SYCP2: variants seen among roughly 807,000 people sequenced by gnomAD.
SYCP2 encodes the protein synaptonemal complex lateral element protein.
SYCP2 carries 55 observed loss-of-function variants against 211.3 expected under a neutral mutation model. The observed-to-expected ratio is 0.26, with a 90% confidence interval of 0.21 to 0.33. The LOEUF (loss-of-function observed/expected upper bound fraction) is 0.33, where lower values mean the gene tolerates loss of function less well. Among genes scored for constraint, SYCP2 ranks in the 10% least tolerant of loss-of-function variants. The probability of loss-of-function intolerance (pLI) is 1.00; values close to 1 mark genes in which losing one functional copy is unlikely to be tolerated. For missense variants in SYCP2, 1,731 were observed against 1,752.0 expected (o/e 0.99, Z 0.21); for synonymous variants, 570 against 555.2 (o/e 1.03, Z -0.37).
At chr20:59,922,167 G>A (rs906415170) in intron 3 of SYCP2, among the ~76,000 whole-genome samples, 1 of 151,476 alleles carries the variant, frequency 6.6e-6, no homozygotes, top group African/African-American at 2.4e-5. Context: ...TAAAAGGTAG[G>A]TATAAAGAAT....
At position 59,893,552 on chromosome 20, in the gene SYCP2, C is replaced by T; in HGVS notation, c.1707G>A (p.Lys569=). The T allele has an allele frequency of 6.2e-7, 1 of 1,608,846 alleles. No individual in the cohort carries two copies. The highest frequency in any genetic ancestry group is 8.5e-7 in the Non-Finnish European group (1 of 1,176,898). ...TAKCVENTEN[K]NVEFPNQNFS... is the part of the protein sequence containing the mutation. ...AATTTTGGTTTGGGAATTCAACATT[C>T]TTATTTTCTGTGTTTTCTACACACT... The change falls in exon 21 of 45, where the codon AAG becomes AAA. Residue 569 remains lysine, a synonymous_variant. Transcript: ENST00000357552.
intron 14 of SYCP2, among the ~76,000 whole-genome samples, chr20:59,910,168 G>A (rs1255494843): frequency 6.6e-6 from 1 of 152,116 alleles, no homozygotes; most frequent in Admixed American, 6.5e-5. Context: ...CCACTGTGGA[G>A]AATGGCTTTT....
chr20:59,888,567 G>T (rs1423240433), intron 24 of SYCP2, among the ~76,000 whole-genome samples: 1 of 151,994 alleles, frequency 6.6e-6, no homozygotes, highest in African/African-American at 2.4e-5. Context: ...GAAACGAGAT[G>T]CTTTTCCTAC....
intron 20 of SYCP2, 46 bp from the exon 21 acceptor site, chr20:59,893,639 GA>G (rs775094315): frequency 7.0e-7 from 1 of 1,437,158 alleles, no homozygotes; most frequent in East Asian, 2.3e-5. Flanking sequence ...GATGTTATAT[GA>G]AAACCTAAAT....
In SYCP2 at chr20:59,886,723, C is replaced by T; in HGVS notation, c.2476G>A (p.Glu826Lys). The T allele has an allele frequency of 6.4e-7, 1 of 1,563,716 alleles. No individual in the cohort carries two copies. Among genetic ancestry groups the T allele is most frequent in the South Asian group, 1.2e-5 (1 of 83,344 alleles). The part of the protein sequence containing the change: ...DDIKSTRKLK[E>K]SLINSGFSNK... ...AGAACATACCTGTTAATCAAAGACT[C>T]CTTTAATTTTCTTGTAGACTTGATG... is the stretch of plus-strand genomic sequence containing the variant. The change falls in exon 25 of 45, where the codon GAG becomes AAG. Residue 826 changes from glutamate to lysine, a missense_variant. This residue lies in a region of SYCP2 where 1,387 missense variants were observed against 1,351.3 expected (regional missense o/e 1.03). Coordinates refer to ENST00000357552, the MANE Select transcript of SYCP2 (RefSeq NM_014258.4).
In SYCP2 at chr20:59,882,006, T is replaced by C; in HGVS notation, c.2601-4A>G. ...ATTAAAATTGTAAACATCATTCCTG[T>C]GAAAATGAAGAGCAATATTAGCTCC... On this transcript the variant is annotated splice_polypyrimidine_tract_variant and splice_region_variant and intron_variant, in intron 27 of 44. Coordinates refer to ENST00000357552, the MANE Select transcript of SYCP2 (RefSeq NM_014258.4). The C allele has an allele frequency of 1.2e-6, 2 of 1,612,814 alleles. No individual in the cohort carries two copies. Among genetic ancestry groups the C allele is most frequent in the South Asian group, 2.2e-5 (2 of 90,968 alleles).
intron 5 of SYCP2, among the ~76,000 whole-genome samples, chr20:59,920,002 C>T (rs945843761): frequency 2.6e-5 from 4 of 151,414 alleles, no homozygotes; most frequent in Non-Finnish European, 5.9e-5. Context: ...ATTCTAGGTG[C>T]CAATAATGTA....
At chr20:59,902,971 CTT>C (rs1265111280) in intron 15 of SYCP2, among the ~76,000 whole-genome samples, 4 of 151,952 alleles carry the variant, frequency 2.6e-5, no homozygotes, top group African/African-American at 9.7e-5. Context: ...CTCTGATATG[CTT>C]TTGACTTTTT....
rs1156946444 is a variant in SYCP2, at chr20:59,868,556, T to C, written c.3845A>G (p.His1282Arg). Residue 1282 changes from histidine to arginine, a missense_variant, in exon 38 of 45, where the codon CAT becomes CGT. Around this residue, in one of 3 missense-constraint regions of SYCP2, gnomAD observed 1,387 missense variants for 1,351.3 expected, o/e 1.03. Coordinates refer to ENST00000357552, the MANE Select transcript of SYCP2 (RefSeq NM_014258.4). ...TATATATATTCTTTTGCGACTAAGA[T>C]GTTGGGTGGGGCCTTAGGAACAGTT... ...DATHVSGPTQ[H>R]LSRKRIYIED... 6.2e-7 allele frequency: 1 copy of C among 1,602,322 alleles called. No homozygotes were observed. The highest frequency in any genetic ancestry group is 2.2e-5 in the East Asian group (1 of 44,566).
chr20:59,883,509 A>G (rs910335009), intron 26 of SYCP2, among the ~76,000 whole-genome samples: 3 of 152,180 alleles, frequency 2.0e-5, no homozygotes, highest in African/African-American at 7.2e-5. Context: ...AATACTATTC[A>G]GCCTTAAAAA....
intron 33 of SYCP2, among the ~76,000 whole-genome samples, chr20:59,875,802 G>A (rs2059543153): frequency 6.6e-6 from 1 of 152,092 alleles, no homozygotes; most frequent in South Asian, 2.1e-4. Context: ...GTGAAAGAAG[G>A]TAGAAAGGGG....
Position 59,918,133 on chromosome 20 carries a change from G to C in SYCP2, c.427+1025C>G, listed in dbSNP as rs142986564. On this transcript the variant is annotated intron_variant, in intron 7 of 44. Transcript: ENST00000357552. ...TTTTATTGTGACTTTTTGATATCCAGCACCAAGACTGAAATTTTTCTGAAC... is the reference window on the plus strand; with the variant it reads ...TTTTATTGTGACTTTTTGATATCCACCACCAAGACTGAAATTTTTCTGAAC... Among the ~76,000 whole-genome samples the C allele has an allele frequency of 1.5e-3, 225 of 152,268 alleles. 2 individuals carry two copies. The highest frequency in any genetic ancestry group is 1.9e-3 in the South Asian group (9 of 4,826).
At chr20:59,871,958 G>T (rs2059460443) in intron 35 of SYCP2, among the ~76,000 whole-genome samples, 1 of 151,996 alleles carries the variant, frequency 6.6e-6, no homozygotes, top group South Asian at 2.1e-4. Flanking sequence ...GAGAATTTGT[G>T]TGAATTTCAC....
chr20:59,928,884 A>G lies in SYCP2; in HGVS notation c.-47+3178T>C, dbSNP rs530270318. On this transcript the variant is annotated intron_variant, in intron 2 of 44. Coordinates refer to ENST00000357552, the MANE Select transcript of SYCP2 (RefSeq NM_014258.4). ...GCAGAAAATTCAGGAGGCTATCACTAAGATGTTCCAAGAGGAAAGAATTTA... is the reference window on the plus strand; with the variant it reads ...GCAGAAAATTCAGGAGGCTATCACTGAGATGTTCCAAGAGGAAAGAATTTA... 2.6e-5 allele frequency among the ~76,000 whole-genome samples: 4 copies of G among 152,312 alleles called. No homozygotes were observed. In the East Asian group the frequency reaches 7.7e-4, roughly 29 times the overall value.
rs768948522 is a variant in SYCP2, at chr20:59,886,753, C to T, written c.2446G>A (p.Asp816Asn). 1 of 1,589,022 alleles carries T rather than the reference C, an allele frequency of 6.3e-7. No individual in the cohort carries two copies. The highest frequency in any genetic ancestry group is 8.5e-7 in the Non-Finnish European group (1 of 1,170,026). The stretch of plus-strand genomic sequence containing the variant: ...AATTTTCTTGTAGACTTGATGTCAT[C>T]TTTTGTTTTGTATCTTTTATTGATT... Reference protein sequence around the residue: ...SQINKRYKTKDDIKSTRKLKE... With the variant: ...SQINKRYKTKNDIKSTRKLKE... Residue 816 changes from aspartate to asparagine, a missense_variant, in exon 25 of 45, where the codon GAT (aspartate) becomes AAT (asparagine). Coordinates refer to ENST00000357552, the MANE Select transcript of SYCP2 (RefSeq NM_014258.4).
intron 24 of SYCP2, among the ~76,000 whole-genome samples, chr20:59,889,390 A>AT (rs146069418): frequency 7.2e-4 from 110 of 151,924 alleles, no homozygotes; most frequent in Admixed American, 1.9e-3. Flanking sequence ...TCCAAAAATG[A>AT]TTTTTTTTAA....
chr20:59,891,891 A>G (rs1177118701), intron 24 of SYCP2, 99 bp downstream of exon 24: 3 of 1,041,700 alleles, frequency 2.9e-6, no homozygotes, highest in East Asian at 2.5e-5. Context: ...GGTATTACAC[A>G]TGTTAAATGT....
At chr20:59,879,999 G>GTA in intron 31 of SYCP2, among the ~76,000 whole-genome samples, 1 of 150,740 alleles carries the variant, frequency 6.6e-6, no homozygotes, top group Non-Finnish European at 1.5e-5. Context: ...TGAGTACTTG[G>GTA]TATATTATTC....
Position 59,881,512 on chromosome 20 carries a change from A to T in SYCP2, c.2659-20T>A, listed in dbSNP as rs532552769. 80 of 1,325,464 alleles carry T rather than the reference A, an allele frequency of 6.0e-5. No homozygotes were observed. Among genetic ancestry groups the T allele is most frequent in the Non-Finnish European group, 8.2e-5 (80 of 976,562 alleles). The allele number at this position is 1,325,464 out of a possible 1,614,324, so 82.1% of individuals were successfully genotyped here. A position where few individuals can be genotyped will look rare whatever the true frequency, so the allele number is the denominator to read the frequency against. On this transcript the variant is annotated intron_variant, in intron 28 of 44. Transcript: ENST00000357552. ...TTGGATCTATATTGTAAATAAACAA[A>T]AAAAAAGAGGTGTCAGTGTCAAAAT... is the stretch of plus-strand genomic sequence containing the variant.
Sources: gnomAD v4.1 joint callset for allele counts (sites outside exome capture counted in the v4.1 genomes callset) on GRCh38, gnomAD v4.1.1 for gene constraint, gnomAD v4.1.1 regional missense constraint, MANE v1.5 for transcripts, NCBI Gene and HGNC (gene_info 2026-07-23, HGNC 2026-07-21) for gene names.